The following MAD1L1 variants were observed in gnomAD, a reference collection of about 807,000 sequenced individuals.
MAD1L1 encodes the protein mitotic spindle assembly checkpoint protein MAD1.
Under a neutral mutation model 96.9 loss-of-function variants are expected in MAD1L1, and 95 were observed. The observed-to-expected ratio is 0.98, with a 90% CI of 0.83 to 1.16. The LOEUF (loss-of-function observed/expected upper bound fraction) is 1.16, where lower values mean the gene tolerates loss of function less well. MAD1L1 is among the 50% of genes most tolerant of loss of function. The pLI is 0.00. For missense variants in MAD1L1, 1,007 were observed against 954.4 expected (o/e 1.06, Z -0.73); for synonymous variants, 473 against 396.6 (o/e 1.19, Z -2.29).
At chr7:1,907,819 G>A (rs1259507246) in intron 17 of MAD1L1, among the ~76,000 whole-genome samples, 4 of 152,256 alleles carry the variant, frequency 2.6e-5, no homozygotes, top group Non-Finnish European at 5.9e-5. Flanking sequence ...TGCTCGGCGC[G>A]GGATCTGAGT....
chr7:2,206,439 T>C (rs140315366), intron 10 of MAD1L1, among the ~76,000 whole-genome samples: 1 of 152,350 alleles, frequency 6.6e-6, no homozygotes, highest in East Asian at 1.9e-4. Flanking sequence ...CTTTTACACA[T>C]AGGTCTATGC....
At chr7:1,948,128 C>A (rs551547468) in intron 16 of MAD1L1, among the ~76,000 whole-genome samples, 112 of 152,274 alleles carry the variant, frequency 7.4e-4, no homozygotes, top group African/African-American at 2.5e-3. Context: ...TCATCTGGGG[C>A]ACCTGCAGGG....
chr7:1,842,418 T>C (rs1041963833), intron 18 of MAD1L1, among the ~76,000 whole-genome samples: 4 of 152,202 alleles, frequency 2.6e-5, no homozygotes, highest in Admixed American at 2.0e-4. Flanking sequence ...CAGCCGGGCT[T>C]GGCCCTGCAC....
chr7:1,994,654 TC>T (rs1174779213), intron 14 of MAD1L1, among the ~76,000 whole-genome samples: 3 of 151,878 alleles, frequency 2.0e-5, no homozygotes, highest in Non-Finnish European at 4.4e-5. Flanking sequence ...GGGCGGAGCC[TC>T]GGGGGGGGGA....
intron 14 of MAD1L1, among the ~76,000 whole-genome samples, chr7:1,999,179 T>C (rs1781685517): frequency 6.6e-6 from 1 of 152,180 alleles, no homozygotes; most frequent in South Asian, 2.1e-4. Flanking sequence ...ACAGTTACAA[T>C]GGGTTCCCCT....
At chr7:1,977,740 G>A (rs1322604257) in intron 15 of MAD1L1, among the ~76,000 whole-genome samples, 1 of 152,236 alleles carries the variant, frequency 6.6e-6, no homozygotes, top group Non-Finnish European at 1.5e-5. Flanking sequence ...CCCATCAACT[G>A]CAGAACGAGA....
intron 11 of MAD1L1, among the ~76,000 whole-genome samples, chr7:2,123,901 A>G (rs1788103648): frequency 6.6e-6 from 1 of 152,236 alleles, no homozygotes; most frequent in Non-Finnish European, 1.5e-5. Flanking sequence ...AGGGCTTTTT[A>G]GCTTCTCCAA....
intron 12 of MAD1L1, among the ~76,000 whole-genome samples, chr7:2,046,164 C>T (rs540354757): frequency 6.6e-6 from 1 of 152,174 alleles, no homozygotes; most frequent in Non-Finnish European, 1.5e-5. Flanking sequence ...AGGCCCCACG[C>T]CCCAGGTGGA....
At chr7:2,113,433 A>T (rs1787487937) in intron 11 of MAD1L1, among the ~76,000 whole-genome samples, 1 of 152,124 alleles carries the variant, frequency 6.6e-6, no homozygotes, top group Non-Finnish European at 1.5e-5. Flanking sequence ...TACAAAAATT[A>T]GCCAGGCGTG....
rs572131215 is a variant in MAD1L1, at chr7:1,942,159, G to C, written c.1597-5262C>G. ...GATTTCCAGGCCCTGGATGCCCTCA[G>C]CACAGCTGTGAATACAGGGGTGGAG... On this transcript the variant is annotated intron_variant, in intron 16 of 18. Coordinates refer to ENST00000265854, the MANE Select transcript of MAD1L1 (RefSeq NM_001013836.2). Among the ~76,000 whole-genome samples the C allele has an allele frequency of 5.3e-5, 8 of 152,320 alleles. No homozygotes were observed. In the East Asian group the frequency reaches 1.5e-3, roughly 29 times the overall value.
intron 10 of MAD1L1, among the ~76,000 whole-genome samples, chr7:2,174,925 T>C (rs1790875183): frequency 6.6e-6 from 1 of 152,198 alleles, no homozygotes; most frequent in Non-Finnish European, 1.5e-5. Context: ...TGAGCGACTG[T>C]GACGGCCACC....
At chr7:2,106,657 G>A (rs1192763943) in intron 11 of MAD1L1, among the ~76,000 whole-genome samples, 1 of 152,202 alleles carries the variant, frequency 6.6e-6, no homozygotes, top group Non-Finnish European at 1.5e-5. Context: ...CACACTCTCG[G>A]CCCATCCCGC....
At chr7:1,870,930 T>TACGCCTGCCATGCTGAACCCACCGTA (rs1785044520) in intron 18 of MAD1L1, among the ~76,000 whole-genome samples, 1 of 140,556 alleles carries the variant, frequency 7.1e-6, no homozygotes, top group Non-Finnish European at 1.6e-5. Context: ...GAACCCAACA[T>TACGCCTGCCATGCTGAACCCACCGTA]ACGCCTGCCA....
At chr7:2,014,714 AG>A in intron 12 of MAD1L1, 72 bp from the exon 13 acceptor site, 1 of 1,484,530 alleles carries the variant, frequency 6.7e-7, no homozygotes, top group Non-Finnish European at 9.0e-7. Flanking sequence ...GGCTCAGGGA[AG>A]GCCCCACGAG....
chr7:2,121,759 A>ATGTCCCACC (rs967368465), intron 11 of MAD1L1, among the ~76,000 whole-genome samples: 1 of 151,822 alleles, frequency 6.6e-6, no homozygotes, highest in African/African-American at 2.4e-5. Context: ...GAGCCTGATG[A>ATGTCCCACC]TGTCCCACCT....
chr7:2,151,176 A>C (rs1277482213), intron 10 of MAD1L1, among the ~76,000 whole-genome samples: 1 of 152,252 alleles, frequency 6.6e-6, no homozygotes, highest in African/African-American at 2.4e-5. Flanking sequence ...TTTGAATGAG[A>C]TATTTAAGTT....
rs575650517 is a variant in MAD1L1, at chr7:2,040,515, C to T, written c.1219-25873G>A. Among the ~76,000 whole-genome samples the T allele has an allele frequency of 6.6e-5, 10 of 152,362 alleles. No homozygotes were observed. In the East Asian group the frequency reaches 7.7e-4, roughly 12 times the overall value. On this transcript the variant is annotated intron_variant, in intron 12 of 18. Coordinates refer to ENST00000265854, the MANE Select transcript of MAD1L1 (RefSeq NM_001013836.2). Reference sequence around the variant, plus strand: ...ATCGGTCCATCTCTGAGTTCACGAACGCGCTCCTGTCGCCTCCATTCTGCT... The same window carrying T: ...ATCGGTCCATCTCTGAGTTCACGAATGCGCTCCTGTCGCCTCCATTCTGCT...
At chr7:2,032,379 G>A (rs1008686475) in intron 12 of MAD1L1, among the ~76,000 whole-genome samples, 5 of 152,206 alleles carry the variant, frequency 3.3e-5, no homozygotes, top group African/African-American at 4.8e-5. Context: ...TCATGCTAAC[G>A]GGCAGGTGGG....
At chr7:2,020,616 T>C (rs913047047) in intron 12 of MAD1L1, among the ~76,000 whole-genome samples, 11 of 152,202 alleles carry the variant, frequency 7.2e-5, no homozygotes, top group African/African-American at 2.7e-4. Context: ...ACCCGGAGTC[T>C]AGGGGCCTCC....
Sources: allele counts gnomAD v4.1 joint callset (sites outside exome capture counted in the v4.1 genomes callset), GRCh38; gene constraint gnomAD v4.1.1; transcripts MANE v1.5; gene names NCBI Gene and HGNC (gene_info 2026-07-23, HGNC 2026-07-21).